Variants in R3HCC1L observed in about 807,000 individuals in gnomAD.
R3HCC1L encodes R3H domain and coiled-coil containing 1 like, also known as coiled-coil domain-containing protein R3HCC1L.
Under a neutral mutation model 59.9 loss-of-function variants are expected in R3HCC1L, and 51 were observed. The observed-to-expected ratio is 0.85, with a 90% CI of 0.68 to 1.07. The LOEUF (loss-of-function observed/expected upper bound fraction) is 1.07, where lower values mean the gene tolerates loss of function less well. Among genes scored for constraint, R3HCC1L ranks in the 50% least tolerant of loss-of-function variants. R3HCC1L has a pLI of 0.00. For synonymous variants in R3HCC1L, 322 were observed against 315.2 expected, an observed-to-expected ratio of 1.02 and a Z score of -0.23; for missense variants, 965 against 933.0, an observed-to-expected ratio of 1.03 and a Z score of -0.45.
intron 9 of R3HCC1L, among the ~76,000 whole-genome samples, chr10:98,242,893 G>GAACCCC (rs1243627933): frequency 4.6e-5 from 7 of 152,174 alleles, no homozygotes; most frequent in Admixed American, 4.6e-4. Flanking sequence ...GTCTCCTAGA[G>GAACCCC]AACCCCAGTG....
chr10:98,204,596 G>T (rs1420794470), intron 4 of R3HCC1L, among the ~76,000 whole-genome samples: 1 of 152,096 alleles, frequency 6.6e-6, no homozygotes, highest in Non-Finnish European at 1.5e-5. Flanking sequence ...AATTAAATTG[G>T]CAATATAGTG....
chr10:98,201,582 G>A (rs946780158), intron 4 of R3HCC1L, among the ~76,000 whole-genome samples: 1 of 152,186 alleles, frequency 6.6e-6, no homozygotes, highest in African/African-American at 2.4e-5. Flanking sequence ...AATTGGAGAT[G>A]ACTTTATAAA....
At chr10:98,224,587 T>G (rs1223769148) in intron 5 of R3HCC1L, among the ~76,000 whole-genome samples, 2 of 152,220 alleles carry the variant, frequency 1.3e-5, no homozygotes. Flanking sequence ...AAGCTAGTTG[T>G]GCATATGAAG....
chr10:98,234,395 C>G, intron 6 of R3HCC1L, 51 bp from the exon 7 acceptor site: 2 of 1,519,444 alleles, frequency 1.3e-6, no homozygotes, highest in Non-Finnish European at 1.8e-6. Flanking sequence ...TGAGATGTTT[C>G]ATAAAAGTAA....
intron 5 of R3HCC1L, among the ~76,000 whole-genome samples, chr10:98,230,461 T>A (rs566455409): frequency 6.6e-6 from 1 of 152,310 alleles, no homozygotes; most frequent in South Asian, 2.1e-4. Context: ...TCTATTTGAT[T>A]CTTCTCTCTT....
chr10:98,226,214 G>A (rs1855658956), intron 5 of R3HCC1L, among the ~76,000 whole-genome samples: 1 of 152,098 alleles, frequency 6.6e-6, no homozygotes, highest in South Asian at 2.1e-4. Context: ...GTATTATTTA[G>A]CCCCAATTTA....
chr10:98,206,788 C>A (rs538577317), intron 4 of R3HCC1L, among the ~76,000 whole-genome samples: 92 of 152,236 alleles, frequency 6.0e-4, no homozygotes, highest in Non-Finnish European at 9.7e-4. Flanking sequence ...GTACTTCTGT[C>A]TTTGAAAATT....
chr10:98,149,288 T>G (rs1275762711), intron 1 of R3HCC1L, among the ~76,000 whole-genome samples: 1 of 152,164 alleles, frequency 6.6e-6, no homozygotes, highest in Non-Finnish European at 1.5e-5. Context: ...TTTTGTCGAT[T>G]TTGTTTCTCT....
chr10:98,155,117 C>T (rs962235427), intron 1 of R3HCC1L, among the ~76,000 whole-genome samples: 1 of 152,170 alleles, frequency 6.6e-6, no homozygotes, highest in Admixed American at 6.5e-5. Context: ...TGGAAATACT[C>T]TCCAATTTGG....
chr10:98,209,259 G>A lies in R3HCC1L; in HGVS notation c.1145G>A (p.Gly382Asp). The A allele has an allele frequency of 6.2e-7, 1 of 1,613,936 alleles. No homozygotes were observed. The highest frequency in any genetic ancestry group is 8.5e-7 in the Non-Finnish European group (1 of 1,179,944). The change falls in exon 5 of 10, where the codon GGT (glycine) becomes GAT (aspartate). Residue 382 changes from glycine (G) to aspartate (D), a missense_variant. Coordinates refer to ENST00000298999, the MANE Select transcript of R3HCC1L (RefSeq NM_001351015.2). ...TNKACMMDTT[G>D]MSCSDHVTVD... ...AAAGCATGTATGATGGACACTACAGGTATGTCCTGTAGTGATCATGTAACT... is the reference window on the plus strand; with the variant it reads ...AAAGCATGTATGATGGACACTACAGATATGTCCTGTAGTGATCATGTAACT...
At chr10:98,191,758 T>G (rs1389118602) in intron 4 of R3HCC1L, among the ~76,000 whole-genome samples, 2 of 152,164 alleles carry the variant, frequency 1.3e-5, no homozygotes, top group African/African-American at 4.8e-5. Context: ...TTGCCTAGGT[T>G]TTCTCCTAGG....
At chr10:98,143,031 CAT>C (rs1313026109) in intron 1 of R3HCC1L, among the ~76,000 whole-genome samples, 15 of 151,814 alleles carry the variant, frequency 9.9e-5, no homozygotes, top group Non-Finnish European at 1.6e-4. Context: ...TATTTTGTGA[CAT>C]ATGGAACATT....
chr10:98,243,975 A>G (rs997500377), intron 9 of R3HCC1L, 116 bp from the exon 10 acceptor site: 7 of 801,116 alleles, frequency 8.7e-6, no homozygotes, highest in Admixed American at 6.2e-5. Flanking sequence ...ATCAGGTAAG[A>G]GAGACCAGGA....
chr10:98,150,146 A>G (rs1363012855), intron 1 of R3HCC1L, among the ~76,000 whole-genome samples: 1 of 152,144 alleles, frequency 6.6e-6, no homozygotes, highest in East Asian at 1.9e-4. Flanking sequence ...TTGATTTCTT[A>G]TACTATTTCA....
At chr10:98,239,615 T>TCTGG (rs1857315872) in intron 9 of R3HCC1L, among the ~76,000 whole-genome samples, 1 of 152,228 alleles carries the variant, frequency 6.6e-6, no homozygotes, top group African/African-American at 2.4e-5. Context: ...AAACCCAGAA[T>TCTGG]GTGAAACCTT....
At chr10:98,241,209 C>G (rs1206179500) in intron 9 of R3HCC1L, among the ~76,000 whole-genome samples, 2 of 152,108 alleles carry the variant, frequency 1.3e-5, no homozygotes. Context: ...CAGACGCGTT[C>G]TTCACAAAGC....
At chr10:98,229,732 CTTA>C (rs1856130391) in intron 5 of R3HCC1L, among the ~76,000 whole-genome samples, 1 of 152,102 alleles carries the variant, frequency 6.6e-6, no homozygotes, top group Non-Finnish European at 1.5e-5. Context: ...ATAAATGGCT[CTTA>C]TTATTTTGAG....
chr10:98,138,376 A>T (rs6584171), intron 1 of R3HCC1L, among the ~76,000 whole-genome samples: 102,838 of 151,990 alleles, frequency 0.68, 34,934 homozygotes, highest in African/African-American at 0.75. Context: ...TAATGTGTTA[A>T]TTTTTCCTTT....
chr10:98,164,582 A>G (rs905932550), intron 4 of R3HCC1L, among the ~76,000 whole-genome samples: 3 of 151,456 alleles, frequency 2.0e-5, no homozygotes, highest in African/African-American at 7.3e-5. Flanking sequence ...TTTTTTTTTT[A>G]AGAAGAAACT....
Sources: allele counts gnomAD v4.1 joint callset (sites outside exome capture counted in the v4.1 genomes callset), GRCh38; gene constraint gnomAD v4.1.1; transcripts MANE v1.5; gene names NCBI Gene and HGNC (gene_info 2026-07-23, HGNC 2026-07-21).